The following WIF1 variants were observed in gnomAD, a reference collection of about 807,000 sequenced individuals.
The protein encoded by WIF1 is Wnt inhibitory factor 1.
Under a neutral mutation model 53.5 loss-of-function variants are expected in WIF1, and 35 were observed. That is an observed-to-expected ratio of 0.65 (90% confidence interval 0.50 to 0.87). The LOEUF (loss-of-function observed/expected upper bound fraction) is 0.87, where lower values mean the gene tolerates loss of function less well. Ranked by LOEUF, WIF1 falls within the 40% of genes least tolerant of loss-of-function variation. The pLI, the probability that WIF1 is intolerant of heterozygous loss-of-function variation, is 0.00. For synonymous variants in WIF1, 171 were observed against 170.4 expected (o/e 1.00, Z -0.03); for missense variants, 467 against 476.8 (o/e 0.98, Z 0.19).
intron 2 of WIF1, among the ~76,000 whole-genome samples, chr12:65,085,544 T>G (rs767907267): frequency 3.3e-5 from 5 of 152,230 alleles, no homozygotes; most frequent in African/African-American, 9.6e-5. Flanking sequence ...AAACTAGCTC[T>G]TAGAAGAACT....
intron 2 of WIF1, among the ~76,000 whole-genome samples, chr12:65,118,986 T>C (rs972376276): frequency 6.6e-6 from 1 of 152,178 alleles, no homozygotes; most frequent in African/African-American, 2.4e-5. Context: ...AACTGCCTTT[T>C]ATTGATTCTT....
chr12:65,107,752 G>A (rs779286854), intron 2 of WIF1, among the ~76,000 whole-genome samples: 2 of 152,202 alleles, frequency 1.3e-5, no homozygotes, highest in Non-Finnish European at 2.9e-5. Context: ...ATCCTAATAA[G>A]CACTAAAATA....
chr12:65,093,922 C>A (rs1253990268), intron 2 of WIF1, among the ~76,000 whole-genome samples: 2 of 152,142 alleles, frequency 1.3e-5, no homozygotes, highest in Non-Finnish European at 2.9e-5. Context: ...CAAAGAATAA[C>A]CTTTTGATTA....
In WIF1 at chr12:65,120,504, T is replaced by A; in HGVS notation, c.201A>T (p.Thr67=). The A allele has an allele frequency of 6.2e-7, 1 of 1,614,136 alleles. No homozygotes were observed. The highest frequency in any genetic ancestry group is 8.5e-7 in the Non-Finnish European group (1 of 1,180,008). ...TCTGTTGTGCTTTTCTGAAATCATG[T>A]GTAAAAGGTGCCATTTTCCCCTCTG... ...IVSEGKMAPF[T]HDFRKAQQRM... The change falls in exon 2 of 10, where the codon ACA becomes ACT. Residue 67 remains threonine, a synonymous_variant. Coordinates refer to ENST00000286574, the MANE Select transcript of WIF1 (RefSeq NM_007191.5).
At chr12:65,098,419 G>A (rs956808762) in intron 2 of WIF1, among the ~76,000 whole-genome samples, 8 of 152,158 alleles carry the variant, frequency 5.3e-5, no homozygotes, top group Non-Finnish European at 1.0e-4. Context: ...ATATGGGGAA[G>A]TGGAGGGCTA....
intron 6 of WIF1, among the ~76,000 whole-genome samples, chr12:65,065,773 A>G (rs1339181735): frequency 6.6e-6 from 1 of 152,192 alleles, no homozygotes; most frequent in African/African-American, 2.4e-5. Context: ...ATTTCACAGC[A>G]TAGTCTTTAT....
intron 2 of WIF1, among the ~76,000 whole-genome samples, chr12:65,098,953 C>T (rs1883242741): frequency 6.6e-6 from 1 of 152,162 alleles, no homozygotes; most frequent in Non-Finnish European, 1.5e-5. Context: ...AGATTCCCTC[C>T]CTTCTAAGAG....
intron 4 of WIF1, among the ~76,000 whole-genome samples, chr12:65,068,070 T>C (rs544947708): frequency 1.3e-5 from 2 of 152,178 alleles, no homozygotes; most frequent in Non-Finnish European, 2.9e-5. Flanking sequence ...ATGGATCTAC[T>C]GTACCTTGTT....
At chr12:65,076,955 CAG>C (rs1257169658) in intron 3 of WIF1, among the ~76,000 whole-genome samples, 1 of 150,300 alleles carries the variant, frequency 6.7e-6, no homozygotes, top group African/African-American at 2.4e-5. Flanking sequence ...TGTAAAAATT[CAG>C]AGAAAAAAGA....
At chr12:65,119,335 TTTA>T (rs746403075) in intron 2 of WIF1, among the ~76,000 whole-genome samples, 7 of 152,156 alleles carry the variant, frequency 4.6e-5, no homozygotes, top group Non-Finnish European at 8.8e-5. Context: ...CTCAATTTTT[TTTA>T]ACCACATAGC....
intron 2 of WIF1, among the ~76,000 whole-genome samples, chr12:65,116,329 T>C (rs1883508658): frequency 6.6e-6 from 1 of 152,150 alleles, no homozygotes; most frequent in African/African-American, 2.4e-5. Flanking sequence ...GCTCTGCCTC[T>C]GTTAGATCAG....
intron 2 of WIF1, among the ~76,000 whole-genome samples, chr12:65,105,073 G>A (rs1797194468): frequency 6.6e-6 from 1 of 152,066 alleles, no homozygotes; most frequent in South Asian, 2.1e-4. Flanking sequence ...TGGCTCCAGA[G>A]GACAAGGAGA....
intron 8 of WIF1, 150 bp from the exon 9 acceptor site, chr12:65,055,363 G>T (rs1248521577): frequency 2.6e-6 from 2 of 771,450 alleles, no homozygotes; most frequent in Non-Finnish European, 2.0e-6. Flanking sequence ...GTCATAAGTT[G>T]GTTTTGGACT....
chr12:65,110,717 G>T (rs1207902628), intron 2 of WIF1, among the ~76,000 whole-genome samples: 7 of 152,150 alleles, frequency 4.6e-5, no homozygotes, highest in African/African-American at 9.7e-5. Flanking sequence ...CCTACTATGT[G>T]CCAGGAGCTG....
chr12:65,066,764 G>A (rs750256664), intron 5 of WIF1, 28 bp from the exon 6 acceptor site: 2 of 1,537,346 alleles, frequency 1.3e-6, no homozygotes, highest in East Asian at 2.3e-5. Context: ...CCCTGATTAA[G>A]GCCAAATGGT....
chr12:65,117,260 C>A (rs1486435306), intron 2 of WIF1, among the ~76,000 whole-genome samples: 3 of 152,146 alleles, frequency 2.0e-5, no homozygotes, highest in Admixed American at 6.6e-5. Flanking sequence ...CTATACCCTG[C>A]CTTTTGCCAT....
intron 2 of WIF1, among the ~76,000 whole-genome samples, chr12:65,097,016 A>G (rs1451371591): frequency 1.8e-5 from 2 of 113,456 alleles, no homozygotes; most frequent in Non-Finnish European, 4.3e-5. Flanking sequence ...GTATCCTGGA[A>G]CTTAAAAAAA....
chr12:65,062,453 C>A, intron 7 of WIF1, 28 bp downstream of exon 7: 1 of 1,584,462 alleles, frequency 6.3e-7, no homozygotes, highest in Non-Finnish European at 8.6e-7. Flanking sequence ...CTCCCCAAGT[C>A]AAAAGAACGC....
intron 2 of WIF1, among the ~76,000 whole-genome samples, chr12:65,088,328 T>C (rs569608159): frequency 4.6e-5 from 7 of 152,260 alleles, no homozygotes; most frequent in Non-Finnish European, 7.4e-5. Flanking sequence ...ATACGAATCC[T>C]CTCAACATCC....
Sources: gnomAD v4.1 joint callset for allele counts (sites outside exome capture counted in the v4.1 genomes callset) on GRCh38, gnomAD v4.1.1 for gene constraint, MANE v1.5 for transcripts, NCBI Gene and HGNC (gene_info 2026-07-23, HGNC 2026-07-21) for gene names.